Variants in PPARGC1A observed in about 807,000 individuals in gnomAD.
PPARGC1A encodes PPARG coactivator 1 alpha.
Under a neutral mutation model 88.7 loss-of-function variants are expected in PPARGC1A, and 25 were observed. That is an observed-to-expected ratio of 0.28 (90% CI 0.21 to 0.39). The LOEUF (loss-of-function observed/expected upper bound fraction) is 0.39. PPARGC1A is among the 10% of genes least tolerant of loss of function. PPARGC1A has a pLI of 1.00. For synonymous variants in PPARGC1A, 363 were observed against 355.6 expected, an observed-to-expected ratio of 1.02 and a Z score of -0.24; for missense variants, 880 against 968.7, an observed-to-expected ratio of 0.91 and a Z score of 1.22.
At chr4:24,016,409 CCT>C in the PPARGC1A span, among the ~76,000 whole-genome samples, 1 of 152,138 alleles carries the variant, frequency 6.6e-6, no homozygotes, top group African/African-American at 2.4e-5. Context: ...ATTATTTTCT[CCT>C]CTCTCTGCTT....
chr4:23,984,853 C>T, the PPARGC1A span, among the ~76,000 whole-genome samples: 1 of 152,086 alleles, frequency 6.6e-6, no homozygotes, highest in Non-Finnish European at 1.5e-5. Flanking sequence ...CATCTCCCAA[C>T]TCCCAGCCTA....
At chr4:24,337,808 C>T in the PPARGC1A span, among the ~76,000 whole-genome samples, 1 of 152,218 alleles carries the variant, frequency 6.6e-6, no homozygotes, top group Middle Eastern at 3.4e-3. Flanking sequence ...TTGGACTCAT[C>T]AAGGGTCTAC....
chr4:24,063,592 G>A, the PPARGC1A span, among the ~76,000 whole-genome samples: 1 of 152,116 alleles, frequency 6.6e-6, no homozygotes, highest in African/African-American at 2.4e-5. Context: ...GTCCGTAGAG[G>A]GCTTTGAGAT....
At chr4:23,832,168 A>G (rs1200481946) in intron 2 of PPARGC1A, among the ~76,000 whole-genome samples, 1 of 152,178 alleles carries the variant, frequency 6.6e-6, no homozygotes, top group Non-Finnish European at 1.5e-5. Context: ...CCTATACAGC[A>G]TACCCCCCAA....
the PPARGC1A span, among the ~76,000 whole-genome samples, chr4:23,976,052 C>T: frequency 2.6e-5 from 4 of 152,106 alleles, no homozygotes; most frequent in South Asian, 6.2e-4. Context: ...CCTTTATCAG[C>T]CAGCTATTGG....
the PPARGC1A span, among the ~76,000 whole-genome samples, chr4:24,277,728 C>T: frequency 2.2e-4 from 33 of 152,256 alleles, no homozygotes; most frequent in African/African-American, 4.3e-4. Flanking sequence ...CAATCAGCTA[C>T]GAACATTAAC....
chr4:24,196,138 ACCCTCAT>A, the PPARGC1A span, among the ~76,000 whole-genome samples: 29 of 152,312 alleles, frequency 1.9e-4, no homozygotes, highest in African/African-American at 7.0e-4. Flanking sequence ...GAATGCCACC[ACCCTCAT>A]CCTGACGGAT....
the PPARGC1A span, among the ~76,000 whole-genome samples, chr4:24,353,933 C>A: frequency 1.3e-4 from 20 of 152,290 alleles, no homozygotes; most frequent in African/African-American, 4.6e-4. Flanking sequence ...TTTGCTCTTG[C>A]CCCTGGAACA....
At chr4:23,829,401 T>C in intron 4 of PPARGC1A, 62 bp downstream of exon 4, 2 of 1,562,880 alleles carry the variant, frequency 1.3e-6, no homozygotes, top group Non-Finnish European at 8.8e-7. Flanking sequence ...TTATTTGTTT[T>C]ACTGCTTCAA....
At chr4:23,827,657 A>G (rs1724203636) in intron 5 of PPARGC1A, among the ~76,000 whole-genome samples, 1 of 152,204 alleles carries the variant, frequency 6.6e-6, no homozygotes, top group Non-Finnish European at 1.5e-5. Context: ...CAGAACCATC[A>G]GCCTTCTCCA....
chr4:24,037,193 C>A, the PPARGC1A span, among the ~76,000 whole-genome samples: 1 of 152,142 alleles, frequency 6.6e-6, no homozygotes, highest in African/African-American at 2.4e-5. Flanking sequence ...CTAACCTTGG[C>A]AATATTACCT....
the PPARGC1A span, among the ~76,000 whole-genome samples, chr4:24,370,749 CTTTTTTTTTTTTT>C: frequency 5.9e-4 from 37 of 62,916 alleles, no homozygotes; most frequent in Admixed American, 1.3e-3. Context: ...CTGTCTCTCT[CTTTTTTTTTTTTT>C]TTTTTTTTTT....
chr4:24,132,260 A>G, the PPARGC1A span, among the ~76,000 whole-genome samples: 324 of 151,752 alleles, frequency 2.1e-3, 3 homozygotes, highest in African/African-American at 7.4e-3. Flanking sequence ...CCAGTCCTCA[A>G]TCTGCCAGAG....
chr4:23,930,500 A>G, the PPARGC1A span, among the ~76,000 whole-genome samples: 8,853 of 152,230 alleles, frequency 0.058, 364 homozygotes, highest in African/African-American at 0.11. Context: ...AACAATGATG[A>G]CAAAGGTATG....
chr4:24,211,609 T>C, the PPARGC1A span, among the ~76,000 whole-genome samples: 1 of 152,116 alleles, frequency 6.6e-6, no homozygotes, highest in Non-Finnish European at 1.5e-5. Context: ...TGATACCATA[T>C]TGGCCAGATC....
At chr4:24,285,670 C>T in the PPARGC1A span, among the ~76,000 whole-genome samples, 3 of 152,226 alleles carry the variant, frequency 2.0e-5, no homozygotes, top group Admixed American at 6.5e-5. Flanking sequence ...CCCAAAGCCT[C>T]TGCCTCTCTC....
chr4:24,454,742 A>AAC, the PPARGC1A span, among the ~76,000 whole-genome samples: 5 of 151,984 alleles, frequency 3.3e-5, no homozygotes, highest in African/African-American at 1.2e-4. Flanking sequence ...TGTCTCAAAA[A>AAC]AAAAAAAATC....
the PPARGC1A span, among the ~76,000 whole-genome samples, chr4:24,291,298 T>C: frequency 4.6e-5 from 7 of 152,312 alleles, no homozygotes; most frequent in South Asian, 1.2e-3. Context: ...TATAATAAAT[T>C]AGCTTCTTCC....
the PPARGC1A span, among the ~76,000 whole-genome samples, chr4:24,330,326 C>G: frequency 6.6e-6 from 1 of 152,196 alleles, no homozygotes; most frequent in Non-Finnish European, 1.5e-5. Flanking sequence ...CTGCTTACAA[C>G]TAATGACTAA....
Sources: gnomAD v4.1 joint callset for allele counts (sites outside exome capture counted in the v4.1 genomes callset) on GRCh38, gnomAD v4.1.1 for gene constraint, MANE v1.5 for transcripts, NCBI Gene and HGNC (gene_info 2026-07-23, HGNC 2026-07-21) for gene names.